CIB1: variants seen among roughly 807,000 people sequenced by gnomAD.
CIB1 encodes the protein calcium and integrin-binding protein 1.
CIB1 carries 19 observed loss-of-function variants against 25.0 expected under a neutral mutation model. That is an observed-to-expected ratio of 0.76 (90% CI 0.53 to 1.12). CIB1 has a LOEUF of 1.12. Ranked by LOEUF, CIB1 falls within the 50% of genes most tolerant of loss-of-function variation. The pLI, the probability that CIB1 is intolerant of heterozygous loss-of-function variation, is 0.00. For synonymous variants in CIB1, 104 were observed against 98.5 expected (o/e 1.06, Z -0.33); for missense variants, 236 against 242.6 (o/e 0.97, Z 0.18).
At chr15:90,263,975 C>T in the CIB1 span, 39 of 1,535,822 alleles carry the variant, frequency 2.5e-5, no homozygotes, top group South Asian at 3.1e-4. Flanking sequence ...ACAGGAGAGC[C>T]GGCAGCCATC....
the CIB1 span, chr15:90,245,699 G>C: frequency 6.6e-6 from 1 of 152,140 alleles, no homozygotes; most frequent in Non-Finnish European, 1.5e-5. Context: ...CCAAATATCA[G>C]GATTTTCCCA....
chr15:90,250,533 G>C, the CIB1 span: 1 of 1,442,792 alleles, frequency 6.9e-7, no homozygotes, highest in Non-Finnish European at 9.3e-7. Context: ...CATGAAGGTC[G>C]TTCTGGTGGA....
the CIB1 span, chr15:90,265,453 TTTAA>T: frequency 2.2e-6 from 3 of 1,342,470 alleles, no homozygotes; most frequent in Non-Finnish European, 2.9e-6. Flanking sequence ...GAATCCGTAC[TTTAA>T]TTAAAGTTTA....
chr15:90,256,396 A>T, the CIB1 span: 1 of 1,451,610 alleles, frequency 6.9e-7, no homozygotes, highest in Non-Finnish European at 9.5e-7. Flanking sequence ...TTAGGCTTCT[A>T]CCCTTCCCAC....
the CIB1 span, chr15:90,263,816 G>T: frequency 1.4e-6 from 1 of 717,538 alleles, no homozygotes; most frequent in Non-Finnish European, 2.5e-6. Context: ...CTCCTAAGAG[G>T]GGCTGCCACA....
At chr15:90,246,145 C>A in the CIB1 span, among the ~76,000 whole-genome samples, 3 of 152,008 alleles carry the variant, frequency 2.0e-5, no homozygotes, top group Non-Finnish European at 4.4e-5. Flanking sequence ...TGGTGGCATG[C>A]GCCTGTAATC....
chr15:90,235,276 A>C (rs2151637639), upstream of CIB1, among the ~76,000 whole-genome samples: 1 of 152,292 alleles, frequency 6.6e-6, no homozygotes, highest in Non-Finnish European at 1.5e-5. Flanking sequence ...CATTGTAGAA[A>C]TATTCAAGGC....
chr15:90,263,473 G>A, the CIB1 span: 2 of 494,020 alleles, frequency 4.0e-6, no homozygotes, highest in Non-Finnish European at 7.1e-6. Context: ...AGTGGCTTCT[G>A]TATAATTTTC....
chr15:90,248,054 T>C, the CIB1 span, among the ~76,000 whole-genome samples: 1 of 151,988 alleles, frequency 6.6e-6, no homozygotes, highest in Non-Finnish European at 1.5e-5. Flanking sequence ...TATTTGTTTT[T>C]TTAAATACGA....
the CIB1 span, among the ~76,000 whole-genome samples, chr15:90,259,519 A>G: frequency 6.6e-6 from 1 of 152,166 alleles, no homozygotes; most frequent in Non-Finnish European, 1.5e-5. Context: ...TCCTACTATC[A>G]TATGTATATA....
At chr15:90,253,648 G>A in the CIB1 span, among the ~76,000 whole-genome samples, 2 of 152,156 alleles carry the variant, frequency 1.3e-5, no homozygotes, top group African/African-American at 4.8e-5. Context: ...TCCAGGGTGG[G>A]TGAGCACATC....
In CIB1 at chr15:90,233,847, C is replaced by T; in HGVS notation, c.39G>A (p.Leu13=). Residue 13 remains leucine, a synonymous_variant, in exon 1 of 7, where the codon CTG becomes CTA. Transcript: ENST00000328649. ...GCGTCCCGCGCACCTGGTACTCGGC[C>T]AGCAGCTCCTTGGACAGGCGACTGC... ...GSGSRLSKEL[L]AEYQDLTFLT... The T allele has an allele frequency of 6.5e-7, 1 of 1,535,500 alleles. No homozygotes were observed. The highest frequency in any genetic ancestry group is 8.8e-7 in the Non-Finnish European group (1 of 1,140,646).
chr15:90,254,309 AG>A, the CIB1 span, among the ~76,000 whole-genome samples: 1 of 152,030 alleles, frequency 6.6e-6, no homozygotes, highest in Non-Finnish European at 1.5e-5. Flanking sequence ...CCTGACCAAC[AG>A]GGTAAAACCC....
the CIB1 span, chr15:90,242,168 G>T: frequency 1.0e-6 from 1 of 965,060 alleles, no homozygotes; most frequent in Non-Finnish European, 1.5e-6. Flanking sequence ...GCTCACTGTA[G>T]CCTCCACCTC....
the CIB1 span, chr15:90,262,774 G>A: frequency 1.6e-6 from 2 of 1,254,796 alleles, no homozygotes; most frequent in Non-Finnish European, 2.1e-6. Flanking sequence ...GCACAAGAGA[G>A]AGAGGAGTTC....
the CIB1 span, chr15:90,262,172 G>A: frequency 1.3e-6 from 2 of 1,534,690 alleles, no homozygotes; most frequent in Non-Finnish European, 1.7e-6. Context: ...TGCTTCCAAG[G>A]CCAGAGAGGA....
At chr15:90,265,569 G>C in the CIB1 span, 9 of 1,388,048 alleles carry the variant, frequency 6.5e-6, no homozygotes, top group African/African-American at 1.4e-5. Context: ...TGAGCAGCGT[G>C]AGCCCAGATC....
chr15:90,261,478 G>C, the CIB1 span, among the ~76,000 whole-genome samples: 1 of 151,254 alleles, frequency 6.6e-6, no homozygotes, highest in Non-Finnish European at 1.5e-5. Context: ...GCTAGCTTAC[G>C]AGTAGACCCC....
At chr15:90,232,661 C>T (rs1962525117) in intron 2 of CIB1, among the ~76,000 whole-genome samples, 1 of 152,216 alleles carries the variant, frequency 6.6e-6, no homozygotes. Context: ...AATCCCAGCA[C>T]TTTGGGAGGC....
Sources: allele counts gnomAD v4.1 joint callset (sites outside exome capture counted in the v4.1 genomes callset), GRCh38; gene constraint gnomAD v4.1.1; transcripts MANE v1.5; gene names NCBI Gene and HGNC (gene_info 2026-07-23, HGNC 2026-07-21).